ADH7: variants seen among roughly 807,000 people sequenced by gnomAD.
The protein encoded by ADH7 is alcohol dehydrogenase 7 (class IV), mu or sigma polypeptide.
A neutral mutation model predicts 34.4 loss-of-function variants in ADH7; 41 were observed. The ratio of observed to expected loss-of-function variants is 1.19; its 90% confidence interval spans 0.93 to 1.55. The LOEUF is 1.55. Among genes scored for constraint, ADH7 ranks in the 40% most tolerant of loss-of-function variants. The pLI is 0.00. For missense variants in ADH7, 540 were observed against 461.2 expected (o/e 1.17, Z -1.56); for synonymous variants, 180 against 160.9 (o/e 1.12, Z -0.90).
chr4:99,424,190 G>T (rs376292586), intron 5 of ADH7, among the ~76,000 whole-genome samples: 3 of 152,186 alleles, frequency 2.0e-5, no homozygotes, highest in African/African-American at 7.2e-5. Flanking sequence ...GATAGTTGTA[G>T]ATATGTGGCG....
At chr4:99,418,677 A>G (rs1024636216) in intron 7 of ADH7, among the ~76,000 whole-genome samples, 1 of 152,186 alleles carries the variant, frequency 6.6e-6, no homozygotes, top group Non-Finnish European at 1.5e-5. Context: ...GTATATTAAT[A>G]ATAATGGATT....
intron 1 of ADH7, among the ~76,000 whole-genome samples, chr4:99,431,837 G>A (rs758443106): frequency 6.6e-6 from 1 of 152,158 alleles, no homozygotes; most frequent in Non-Finnish European, 1.5e-5. Flanking sequence ...TGAGGTTGGA[G>A]CGAAAAGGGA....
At chr4:99,415,903 G>C (rs574039583) in intron 7 of ADH7, 1 of 199,002 alleles carries the variant, frequency 5.0e-6, no homozygotes, top group Non-Finnish European at 1.0e-5. Context: ...GTTCTCACTC[G>C]TAAGTGGGAG....
At position 99,420,944 on chromosome 4, in the gene ADH7, G is replaced by T. The variant is rs372532245; in HGVS notation, c.565-151C>A. 2.0e-5 allele frequency: 14 copies of T among 690,684 alleles called. No homozygotes were observed. In the African/African-American group the frequency reaches 2.2e-4, roughly 11 times the overall value. The allele number at this position is 690,684 out of a possible 1,614,324, so 42.8% of individuals were successfully genotyped here. ...AAATATCTAGGAATACAACTTACAA[G>T]GGATGTGAAGGACCTCTTCAAGGAG... On this transcript the variant is annotated intron_variant, in intron 5 of 8. Transcript: ENST00000437033.
rs1180929376 is a variant in ADH7, at chr4:99,413,118, G to A, written c.*30C>T. 2 of 1,612,806 alleles carry A rather than the reference G, an allele frequency of 1.2e-6. No homozygotes were observed. The highest frequency in any genetic ancestry group is 1.7e-5 in the Admixed American group (1 of 59,916). ...CACAAGAGAAACTCCAGTTCACCAT[G>A]ACAACACAGACCTCCTGCCACTTTG... On this transcript the variant is annotated 3_prime_UTR_variant, in exon 9 of 9. Coordinates refer to ENST00000437033, the MANE Select transcript of ADH7 (RefSeq NM_000673.7).
chr4:99,427,937 C>T lies in ADH7; in HGVS notation c.400G>A (p.Gly134Ser), dbSNP rs1721848435. ...TTCATGAAGTGGTGGACTGGTTTGC[C>T]CTTGCATGTAAATCTGGTGGTGCCA... ...ADGTTRFTCK[G>S]KPVHHFMNTS... Residue 134 changes from glycine (G) to serine (S), a missense_variant, in exon 5 of 9, where the codon GGC (glycine) becomes AGC (serine). Physicochemically the swap from Gly to Ser is moderately conservative, Grantham distance 56 (BLOSUM62 0). Transcript: ENST00000437033. 2 of 1,613,890 alleles carry T rather than the reference C, an allele frequency of 1.2e-6. No homozygotes were observed. The highest frequency in any genetic ancestry group is 2.2e-5 in the East Asian group (1 of 44,886).
Position 99,427,876 on chromosome 4 carries a change from T to A in ADH7, c.461A>T (p.Glu154Val), listed in dbSNP as rs1721845863. 6.2e-7 allele frequency: 1 copy of A among 1,613,738 alleles called. No homozygotes were observed. The highest frequency in any genetic ancestry group is 1.3e-5 in the African/African-American group (1 of 75,034). The change falls in exon 5 of 9, where the codon GAA becomes GTA. Residue 154 changes from glutamate (E) to valine (V), a missense_variant. By Grantham distance (121) the Glu-to-Val change is moderately radical. Transcript: ENST00000437033. ...STFTEYTVVDESSVAKIDDAA... is the reference protein window; with the variant it reads ...STFTEYTVVDVSSVAKIDDAA... ...ATCATCAATCTTAGCAACAGAAGAT[T>A]CATCCACCACTGTGTACTCGGTAAA... is the stretch of plus-strand genomic sequence containing the variant.
intron 7 of ADH7, 98 bp from the exon 8 acceptor site, chr4:99,415,714 T>A (rs1288637944): frequency 7.7e-7 from 1 of 1,290,872 alleles, no homozygotes; most frequent in Non-Finnish European, 1.1e-6. Context: ...ACTATGACTT[T>A]CCCTGTGTTA....
At position 99,420,901 on chromosome 4, in the gene ADH7, A is replaced by G. The variant is rs988736360; in HGVS notation, c.565-108T>C. 1.8e-5 allele frequency: 18 copies of G among 981,942 alleles called. No homozygotes were observed. The African/African-American group carries it at 2.8e-4, about 15-fold the overall frequency. The allele number at this position is 981,942 out of a possible 1,614,324, so 60.8% of individuals were successfully genotyped here. A position where few individuals can be genotyped will look rare whatever the true frequency, so the allele number is the denominator to read the frequency against. On this transcript the variant is annotated intron_variant, in intron 5 of 8. Transcript: ENST00000437033. Reference sequence around the variant, plus strand: ...AATCATGAGTGAACTCCCATTCACAATTGCTACAAAGAGAATAAAATATCT... The same window carrying G: ...AATCATGAGTGAACTCCCATTCACAGTTGCTACAAAGAGAATAAAATATCT...
At chr4:99,424,852 T>C (rs1721762434) in intron 5 of ADH7, among the ~76,000 whole-genome samples, 2 of 152,142 alleles carry the variant, frequency 1.3e-5, no homozygotes, top group African/African-American at 2.4e-5. Flanking sequence ...CTTTTCCTAA[T>C]TGAATACCCT....
At position 99,419,087 on chromosome 4, in the gene ADH7, C is replaced by G. The variant is rs762686196; in HGVS notation, c.860G>C (p.Gly287Ala). ...AGGAACTCCTACAACCACGCTGGTCCCATAGTTCATGTGGCAGGATGCCAG... is the reference window on the plus strand; with the variant it reads ...AGGAACTCCTACAACCACGCTGGTCGCATAGTTCATGTGGCAGGATGCCAG... Reference protein sequence around the residue: ...DALASCHMNYGTSVVVGVPPS... With the variant: ...DALASCHMNYATSVVVGVPPS... The change falls in exon 7 of 9, where the codon GGG becomes GCG. Residue 287 changes from glycine to alanine, a missense_variant. Transcript: ENST00000437033. The G allele has an allele frequency of 1.9e-6, 3 of 1,613,750 alleles. No homozygotes were observed. Among genetic ancestry groups the G allele is most frequent in the East Asian group, 2.2e-5 (1 of 44,864 alleles).
Position 99,435,255 on chromosome 4 carries a change from T to C in ADH7, c.-22A>G. 1.2e-6 allele frequency: 2 copies of C among 1,613,438 alleles called. No individual in the cohort carries two copies. Among genetic ancestry groups the C allele is most frequent in the South Asian group, 2.2e-5 (2 of 90,986 alleles). ...CCATCCTGTCTTTGTCTTGGATCTG[T>C]ATTTCTGCAAACATAGACTTTTTCT... On this transcript the variant is annotated 5_prime_UTR_variant, in exon 1 of 9. In the 5' UTR this introduces an upstream ATG that the reference lacks. Coordinates refer to ENST00000437033, the MANE Select transcript of ADH7 (RefSeq NM_000673.7).
rs184607157 is a variant in ADH7 at position 99,420,410 on chromosome 4, A to T, written c.825+123T>A. 3.3e-5 allele frequency: 39 copies of T among 1,193,950 alleles called. No homozygotes were observed. In the African/African-American group the frequency reaches 4.8e-4, roughly 15 times the overall value. 74.0% of individuals were successfully genotyped at this position (1,193,950 alleles called of 1,614,324 possible). On this transcript the variant is annotated intron_variant, in intron 6 of 8. Coordinates refer to ENST00000437033, the MANE Select transcript of ADH7 (RefSeq NM_000673.7). Reference sequence around the variant, plus strand: ...TGTGATTATCAGTTTTTGCCTGAGTAAAACTGACTATCGCAGAGATATTTC... The same window carrying T: ...TGTGATTATCAGTTTTTGCCTGAGTTAAACTGACTATCGCAGAGATATTTC...
rs552428354 is a variant in ADH7, at chr4:99,414,220, C to T, written c.1101-1048G>A. Among the ~76,000 whole-genome samples, 126 of 152,180 alleles carry T rather than the reference C, an allele frequency of 8.3e-4. 1 individual carries two copies. The highest frequency in any genetic ancestry group is 2.8e-3 in the African/African-American group (116 of 41,530). On this transcript the variant is annotated intron_variant, in intron 8 of 8. Transcript: ENST00000437033. ...TCTGACAGTTTTTCTTACAAAATCC[C>T]ATTGTTTACTTGCTTAAAAAAATGT...
rs1478001167 is a variant in ADH7, at chr4:99,412,342, A to T, written c.*806T>A. The T allele has an allele frequency of 6.6e-6, 1 of 152,124 alleles. No homozygotes were observed. The highest frequency in any genetic ancestry group is 1.5e-5 in the Non-Finnish European group (1 of 67,980). 9.4% of individuals were successfully genotyped at this position (152,124 alleles called of 1,614,324 possible). On this transcript the variant is annotated 3_prime_UTR_variant, in exon 9 of 9. Transcript: ENST00000437033. ...AGATACATCAGTGTAGTTGTTAAAA[A>T]CTAAAAACACTTTTTATTAAATGGA...
At position 99,420,803 on chromosome 4, in the gene ADH7, G is replaced by A. The variant is rs777035099; in HGVS notation, c.565-10C>T. 1.2e-6 allele frequency: 2 copies of A among 1,613,234 alleles called. No individual in the cohort carries two copies. The highest frequency in any genetic ancestry group is 1.1e-5 in the South Asian group (1 of 91,028). On this transcript the variant is annotated splice_polypyrimidine_tract_variant and intron_variant, in intron 5 of 8. Transcript: ENST00000437033. ...TGGAACCAGGTTTGACCTGTGGAGA[G>A]GAATGTTCTTGAACATGTTAGGTGT...
At position 99,423,197 on chromosome 4, in the gene ADH7, G is replaced by A. The variant is rs930695187; in HGVS notation, c.565-2404C>T. Among the ~76,000 whole-genome samples the A allele has an allele frequency of 1.2e-3, 188 of 150,976 alleles. 1 individual carries two copies. The highest frequency in any genetic ancestry group is 2.5e-3 in the Admixed American group (38 of 15,104). On this transcript the variant is annotated intron_variant, in intron 5 of 8. Transcript: ENST00000437033. ...CCAGCTTCATCCATGTCCCTACAAA[G>A]GACATGAACTCATCATTTTTTATGG...
At chr4:99,434,915 G>A (rs1341542964) in intron 1 of ADH7, 6 of 928,992 alleles carry the variant, frequency 6.5e-6, no homozygotes, top group Non-Finnish European at 9.8e-6. Context: ...TGGCTTCCTG[G>A]AGCAATTGCC....
chr4:99,428,730 A>G (rs1471447165), intron 2 of ADH7, 100 bp from the exon 3 acceptor site: 6 of 1,426,234 alleles, frequency 4.2e-6, no homozygotes, highest in Non-Finnish European at 5.7e-6. Flanking sequence ...TGTTTAATCA[A>G]TATCTTTGCC....
Sources: gnomAD v4.1 joint callset for allele counts (sites outside exome capture counted in the v4.1 genomes callset) on GRCh38, gnomAD v4.1.1 for gene constraint, MANE v1.5 for transcripts, NCBI Gene and HGNC (gene_info 2026-07-23, HGNC 2026-07-21) for gene names.